Variants in ADAMTS13 observed in about 807,000 individuals in gnomAD.
The protein encoded by ADAMTS13 is A disintegrin and metalloproteinase with thrombospondin motifs 13.
A neutral mutation model predicts 155.1 loss-of-function variants in ADAMTS13; 110 were observed. The observed-to-expected ratio is 0.71, with a 90% CI of 0.61 to 0.83. The LOEUF is 0.83. ADAMTS13 is among the 40% of genes least tolerant of loss of function. ADAMTS13 has a pLI of 0.00. For missense variants in ADAMTS13, 1,707 were observed against 1,891.7 expected, an observed-to-expected ratio of 0.90 and a Z score of 1.81; for synonymous variants, 758 against 756.4, an observed-to-expected ratio of 1.00 and a Z score of -0.03.
upstream of ADAMTS13, among the ~76,000 whole-genome samples, chr9:133,419,285 TGG>T (rs1271305344): frequency 6.6e-6 from 1 of 152,052 alleles, no homozygotes; most frequent in African/African-American, 2.4e-5. Flanking sequence ...GGGTGAAGTA[TGG>T]GGGTGGAGCC....
chr9:133,454,559 C>T lies in ADAMTS13; in HGVS notation c.3189C>T (p.Ala1063=). Residue 1063 remains alanine (A), a synonymous_variant, in exon 24 of 29, where the codon GCC becomes GCT. Coordinates refer to ENST00000355699, the MANE Select transcript of ADAMTS13 (RefSeq NM_139027.6). The part of the protein sequence containing the change: ...AACAALVRPE[A]SVPCLIADCT... ...GTGCGGCGCTGGTGCGGCCCGAGGCCAGTGTCCCCTGTCTCATTGCCGACT... is the reference window on the plus strand; with the variant it reads ...GTGCGGCGCTGGTGCGGCCCGAGGCTAGTGTCCCCTGTCTCATTGCCGACT... 1.2e-6 allele frequency: 2 copies of T among 1,608,222 alleles called. No homozygotes were observed. The highest frequency in any genetic ancestry group is 1.7e-6 in the Non-Finnish European group (2 of 1,179,872).
chr9:133,418,350 T>G (rs1478151395), upstream of ADAMTS13, among the ~76,000 whole-genome samples: 1 of 152,226 alleles, frequency 6.6e-6, no homozygotes, highest in Non-Finnish European at 1.5e-5. Flanking sequence ...TCCTGGACTC[T>G]CGAGCCTTTC....
Position 133,442,473 on chromosome 9 carries a change from G to T in ADAMTS13, c.2043G>T (p.Lys681Asn). Reference sequence around the variant, plus strand: ...TCACCTTCACCTACTTCCAGCCTAAGCCACGGCAGGCCTGGGTGTGGGCCG... The same window carrying T: ...TCACCTTCACCTACTTCCAGCCTAATCCACGGCAGGCCTGGGTGTGGGCCG... ...PDITFTYFQP[K>N]PRQAWVWAAV... is the part of the protein sequence containing the mutation. The change falls in exon 17 of 29, where the codon AAG (lysine) becomes AAT (asparagine). Residue 681 changes from lysine to asparagine, a missense_variant. Lys to Asn is a moderately conservative substitution (Grantham distance 94). Coordinates refer to ENST00000355699, the MANE Select transcript of ADAMTS13 (RefSeq NM_139027.6). The T allele has an allele frequency of 6.2e-7, 1 of 1,613,772 alleles. No individual in the cohort carries two copies. The highest frequency in any genetic ancestry group is 8.5e-7 in the Non-Finnish European group (1 of 1,180,040).
At chr9:133,415,089 A>T (rs1839496323) in intron 1 of ADAMTS13, 10 of 1,134,302 alleles carry the variant, frequency 8.8e-6, no homozygotes, top group Middle Eastern at 2.0e-4. Flanking sequence ...TTACGTGTGT[A>T]TGTATATACA....
chr9:133,450,287 G>C (rs587663881), intron 23 of ADAMTS13, among the ~76,000 whole-genome samples: 1 of 152,072 alleles, frequency 6.6e-6, no homozygotes, highest in Non-Finnish European at 1.5e-5. Flanking sequence ...ACAACAATTA[G>C]GCTGGGCGCG....
rs28517680 is a variant in ADAMTS13 at position 133,433,956 on chromosome 9, C to T, written c.1308+252C>T. ...ACAGAAAATACAAAAATTAGCCGGG[C>T]GTGGTGGTGGGCGCCTGTAGTCCCA... On this transcript the variant is annotated intron_variant, in intron 11 of 28. Transcript: ENST00000355699. Among the ~76,000 whole-genome samples the T allele has an allele frequency of 0.32, 47,853 of 151,672 alleles. 9,463 individuals are homozygous for T. The highest frequency in any genetic ancestry group is 0.43 in the Non-Finnish European group (29,296 of 67,868).
Position 133,458,039 on chromosome 9 carries a change from C to G in ADAMTS13, c.3854C>G (p.Ala1285Gly). 1 of 1,613,492 alleles carries G rather than the reference C, an allele frequency of 6.2e-7. No homozygotes were observed. Among genetic ancestry groups the G allele is most frequent in the Non-Finnish European group, 8.5e-7 (1 of 1,180,032 alleles). ...CCGCACGCACGGATTGCCATCCATG[C>G]CCTGGCCACCAACATGGGCGCTGGG... ...VAPHARIAIH[A>G]LATNMGAGTE... The change falls in exon 28 of 29, where the codon GCC (alanine) becomes GGC (glycine). Residue 1285 changes from alanine (A) to glycine (G), a missense_variant. Transcript: ENST00000355699.
At chr9:133,439,666 G>A (rs2130861165) in intron 15 of ADAMTS13, among the ~76,000 whole-genome samples, 1 of 152,350 alleles carries the variant, frequency 6.6e-6, no homozygotes, top group East Asian at 1.9e-4. Context: ...AATTGTCCAA[G>A]GGAAGAGATG....
In ADAMTS13 at chr9:133,438,327, A is replaced by C; in HGVS notation, c.1666A>C (p.Ser556Arg). The change falls in exon 14 of 29, where the codon AGC (serine) becomes CGC (arginine). Residue 556 changes from serine (S) to arginine (R), a missense_variant. Transcript: ENST00000355699. ...GTGTGGTGGGGACAACAGCACGTGC[A>C]GCCCACGGAAGGGCTCTTTCACAGC... ...QVCGGDNSTC[S>R]PRKGSFTAGR... The C allele has an allele frequency of 6.2e-7, 1 of 1,614,096 alleles. No individual in the cohort carries two copies.
chr9:133,451,844 A>G lies in ADAMTS13; in HGVS notation c.3044+1879A>G, dbSNP rs1029823389. Reference sequence around the variant, plus strand: ...GAAGTCAAGGCTGCAGTGAGCAGAGATCACACCACCACTGCATGCCAGCCT... The same window carrying G: ...GAAGTCAAGGCTGCAGTGAGCAGAGGTCACACCACCACTGCATGCCAGCCT... On this transcript the variant is annotated intron_variant, in intron 23 of 28. Coordinates refer to ENST00000355699, the MANE Select transcript of ADAMTS13 (RefSeq NM_139027.6). 4.1e-4 allele frequency among the ~76,000 whole-genome samples: 60 copies of G among 145,530 alleles called. 1 individual carries two copies. The highest frequency in any genetic ancestry group is 3.6e-4 in the Admixed American group (5 of 13,940).
Position 133,424,592 on chromosome 9 carries a change from G to T in ADAMTS13, c.330+114G>T, listed in dbSNP as rs1840159026. 6.8e-7 allele frequency: 1 copy of T among 1,478,536 alleles called. No homozygotes were observed. The highest frequency in any genetic ancestry group is 9.2e-7 in the Non-Finnish European group (1 of 1,089,570). The allele number at this position is 1,478,536 out of a possible 1,614,324, so 91.6% of individuals were successfully genotyped here. On this transcript the variant is annotated intron_variant, in intron 3 of 28. Coordinates refer to ENST00000355699, the MANE Select transcript of ADAMTS13 (RefSeq NM_139027.6). This position sits in a 1 kb window ranked among gnomAD's most constrained non-coding sequence, Gnocchi z 4.3. ...CAGTGGGTTAAACTCAGGTAGAATG[G>T]CTCGGGGTTCTTCCTCTTCTCCCTC...
chr9:133,457,869 C>T lies in ADAMTS13; in HGVS notation c.3725-41C>T, dbSNP rs181448849. 30 of 1,612,398 alleles carry T rather than the reference C, an allele frequency of 1.9e-5. 1 individual carries two copies. In the South Asian group the frequency reaches 2.1e-4, roughly 11 times the overall value. ...GAGTTGTCCTGGCCTCTGGCACCAC[C>T]GGTCTGTCTGGGTTCCTATGTCCCT... On this transcript the variant is annotated intron_variant, in intron 27 of 28. Coordinates refer to ENST00000355699, the MANE Select transcript of ADAMTS13 (RefSeq NM_139027.6).
chr9:133,455,518 G>A (rs1842686498), intron 25 of ADAMTS13, 83 bp downstream of exon 25: 2 of 1,611,542 alleles, frequency 1.2e-6, no homozygotes, highest in African/African-American at 2.7e-5. Flanking sequence ...CCCTGGAGTG[G>A]TCCCAGGCCC....
rs951095477 is a variant in ADAMTS13 at position 133,445,375 on chromosome 9, C to T, written c.2610+323C>T. Among the ~76,000 whole-genome samples, 2 of 152,204 alleles carry T rather than the reference C, an allele frequency of 1.3e-5. No individual in the cohort carries two copies. Among genetic ancestry groups the T allele is most frequent in the Non-Finnish European group, 2.9e-5 (2 of 68,018 alleles). On this transcript the variant is annotated intron_variant, in intron 20 of 28. Coordinates refer to ENST00000355699, the MANE Select transcript of ADAMTS13 (RefSeq NM_139027.6). This position sits in a 1 kb window ranked among gnomAD's most constrained non-coding sequence, Gnocchi z 5.0. ...AGGCTGACTGGCCTTGCTCTCTGGC[C>T]TGGGTGCTGGCAACCCTCGCCCCTC... is the stretch of plus-strand genomic sequence containing the variant.
At chr9:133,449,690 C>T (rs1554793764) in intron 22 of ADAMTS13, 93 bp from the exon 23 acceptor site, 1 of 1,469,480 alleles carries the variant, frequency 6.8e-7, no homozygotes, top group African/African-American at 1.4e-5. Flanking sequence ...CTTCCTGTCT[C>T]TTCCTAGTCT....
intron 13 of ADAMTS13, 128 bp from the exon 14 acceptor site, chr9:133,438,118 G>A: frequency 6.5e-7 from 1 of 1,540,832 alleles, no homozygotes; most frequent in South Asian, 1.1e-5. Context: ...TTCCTGTGTA[G>A]ATGGTGGGGT....
intron 22 of ADAMTS13, 109 bp downstream of exon 22, chr9:133,448,837 G>C (rs1842245347): frequency 4.0e-6 from 6 of 1,491,166 alleles, no homozygotes; most frequent in Non-Finnish European, 5.4e-6. Flanking sequence ...GCTGCTGGCT[G>C]TGCACTGTGT....
chr9:133,432,342 A>G (rs587661000), intron 8 of ADAMTS13, among the ~76,000 whole-genome samples: 1 of 152,368 alleles, frequency 6.6e-6, no homozygotes, highest in East Asian at 1.9e-4. Context: ...AGAAGGAAAA[A>G]AAGAAAAAAG....
In ADAMTS13 at chr9:133,456,666, G is replaced by A; in HGVS notation, c.3671G>A (p.Gly1224Asp). Residue 1224 changes from glycine to aspartate, a missense_variant, in exon 27 of 29, where the codon GGT becomes GAT. Transcript: ENST00000355699. The surrounding 1 kb of genome is among the most constrained non-coding windows in gnomAD (Gnocchi z 4.4). Reference protein sequence around the residue: ...VVRQRCGRPGGGVLLRYGSQL... With the variant: ...VVRQRCGRPGDGVLLRYGSQL... ...AGGCAGCGCTGCGGGCGGCCAGGAG[G>A]TGGGGTGCTGCTGCGGTATGGGAGC... The A allele has an allele frequency of 6.3e-7, 1 of 1,597,714 alleles. No homozygotes were observed. The highest frequency in any genetic ancestry group is 2.3e-5 in the East Asian group (1 of 44,392).
Sources: gnomAD v4.1 joint callset for allele counts (sites outside exome capture counted in the v4.1 genomes callset) on GRCh38, gnomAD v4.1.1 for gene constraint, Gnocchi (gnomAD v3.1) non-coding constraint, MANE v1.5 for transcripts, NCBI Gene and HGNC (gene_info 2026-07-23, HGNC 2026-07-21) for gene names.